The following PDZD2 variants were observed in gnomAD, a reference collection of about 807,000 sequenced individuals.
PDZD2 encodes the protein PDZ domain containing 2.
In PDZD2, 90 loss-of-function variants were observed where a neutral mutation model predicts 220.7. The observed-to-expected ratio is 0.41, with a 90% confidence interval of 0.34 to 0.49. PDZD2 has a LOEUF of 0.49. Ranked by LOEUF, PDZD2 falls within the 20% of genes least tolerant of loss-of-function variation. The pLI is 0.28. For synonymous variants in PDZD2, 1,375 were observed against 1,450.5 expected (o/e 0.95, Z 1.18); for missense variants, 3,174 against 3,608.5 (o/e 0.88, Z 3.08).
At position 32,108,189 on chromosome 5, in the gene PDZD2, G is replaced by A; in HGVS notation, c.*54G>A. On this transcript the variant is annotated 3_prime_UTR_variant, in exon 25 of 25. Coordinates refer to ENST00000438447, the MANE Select transcript of PDZD2 (RefSeq NM_178140.4). Reference sequence around the variant, plus strand: ...TCTTCTTTCTTTAGCAAATCAGAGTGACTTCTTTAAACCACAGGTTGTTGA... The same window carrying A: ...TCTTCTTTCTTTAGCAAATCAGAGTAACTTCTTTAAACCACAGGTTGTTGA... 7.6e-7 allele frequency: 1 copy of A among 1,308,710 alleles called. No individual in the cohort carries two copies. Among genetic ancestry groups the A allele is most frequent in the African/African-American group, 1.5e-5 (1 of 67,958 alleles). The allele number at this position is 1,308,710 out of a possible 1,614,324, so 81.1% of individuals were successfully genotyped here.
intron 2 of PDZD2, among the ~76,000 whole-genome samples, chr5:31,805,240 C>G (rs17507318): frequency 0.072 from 10,922 of 152,236 alleles, 476 homozygotes; most frequent in Non-Finnish European, 0.11. Context: ...AATATAGACT[C>G]CTTTTGGCAA....
chr5:31,873,534 TTTA>T (rs1739020948), intron 2 of PDZD2, among the ~76,000 whole-genome samples: 3 of 57,352 alleles, frequency 5.2e-5, no homozygotes, highest in African/African-American at 2.3e-4. Flanking sequence ...GAAAATTCTT[TTTA>T]TTTATTTATT....
chr5:31,690,611 C>T (rs550210670), intron 1 of PDZD2, among the ~76,000 whole-genome samples: 1 of 152,278 alleles, frequency 6.6e-6, no homozygotes, highest in South Asian at 2.1e-4. Flanking sequence ...TAGTGTCTGC[C>T]TCTGCGGCCA....
At chr5:31,643,494 C>G (rs1448853174) in intron 1 of PDZD2, among the ~76,000 whole-genome samples, 2 of 152,192 alleles carry the variant, frequency 1.3e-5, no homozygotes, top group African/African-American at 4.8e-5. Flanking sequence ...TGCACTCACA[C>G]TCGGTAACAC....
At position 32,074,161 on chromosome 5, in the gene PDZD2, G is replaced by A. The variant is rs894887013; in HGVS notation, c.3055G>A (p.Glu1019Lys). 1 of 1,614,156 alleles carries A rather than the reference G, an allele frequency of 6.2e-7. No homozygotes were observed. Among genetic ancestry groups the A allele is most frequent in the Admixed American group, 1.7e-5 (1 of 60,012 alleles). The change falls in exon 18 of 25, where the codon GAA (glutamate) becomes AAA (lysine). Residue 1019 changes from glutamate (E) to lysine (K), a missense_variant. Physicochemically the swap from Glu to Lys is moderately conservative, Grantham distance 56. Transcript: ENST00000438447. Reference sequence around the variant, plus strand: ...GGGCATGGACGTCCACAACCAAGAGGAACGACCCCGGAAAACACTGGTGAG... The same window carrying A: ...GGGCATGGACGTCCACAACCAAGAGAAACGACCCCGGAAAACACTGGTGAG... The part of the protein sequence containing the change: ...SKGMDVHNQE[E>K]RPRKTLVSKA...
Position 31,955,683 on chromosome 5 carries a change from CTTTTTT to C in PDZD2, c.477-27458_477-27453del, listed in dbSNP as rs34964306. The stretch of plus-strand genomic sequence containing the variant: ...CCTTCTGCTAACTTTGGGCTCTGTT[CTTTTTT>C]TTTTTTTTTTTTTCTTCTCTAGTTC... On this transcript the variant is annotated intron_variant, in intron 2 of 24. Transcript: ENST00000438447. Among the ~76,000 whole-genome samples the C allele has an allele frequency of 3.4e-5, 4 of 116,882 alleles. No individual in the cohort carries two copies. The Admixed American group carries it at 3.6e-4, about 10-fold the overall frequency. 76.7% of individuals were successfully genotyped at this position (116,882 alleles called of 152,430 possible). A position where few individuals can be genotyped will look rare whatever the true frequency, so the allele number is the denominator to read the frequency against.
intron 1 of PDZD2, among the ~76,000 whole-genome samples, chr5:31,789,572 C>G (rs7707966): frequency 6.6e-6 from 1 of 152,098 alleles, no homozygotes; most frequent in African/African-American, 2.4e-5. Context: ...AGATAGGGCT[C>G]CTTGTGAGCA....
chr5:31,689,143 G>T (rs895372406), intron 1 of PDZD2, among the ~76,000 whole-genome samples: 2 of 151,142 alleles, frequency 1.3e-5, no homozygotes, highest in Non-Finnish European at 2.9e-5. Context: ...ATCTTGACTC[G>T]CTACAACCTC....
chr5:32,069,943 A>T (rs368133801), intron 15 of PDZD2, among the ~76,000 whole-genome samples: 1 of 152,238 alleles, frequency 6.6e-6, no homozygotes, highest in East Asian at 1.9e-4. Context: ...CAAAATGCTA[A>T]AGATGAAAGG....
intron 6 of PDZD2, among the ~76,000 whole-genome samples, chr5:32,012,013 T>C (rs1046365476): frequency 6.6e-6 from 1 of 152,196 alleles, no homozygotes; most frequent in African/African-American, 2.4e-5. Context: ...TTTCCATGGT[T>C]ACAAGAAGGG....
In PDZD2 at chr5:32,090,266, A is replaced by G. The variant is rs1248897310; in HGVS notation, c.6818A>G (p.Asn2273Ser). 11 of 1,614,052 alleles carry G rather than the reference A, an allele frequency of 6.8e-6. No individual in the cohort carries two copies. Among genetic ancestry groups the G allele is most frequent in the Non-Finnish European group, 9.3e-6 (11 of 1,180,020 alleles). ...AGAGGTGGTCTTCCCAGCCTGGCTAATGGACAGGGCATATATAGTGTAAAG... is the reference window on the plus strand; with the variant it reads ...AGAGGTGGTCTTCCCAGCCTGGCTAGTGGACAGGGCATATATAGTGTAAAG... ...ASRGGLPSLANGQGIYSVKPL... is the reference protein window; with the variant it reads ...ASRGGLPSLASGQGIYSVKPL... The change falls in exon 20 of 25, where the codon AAT becomes AGT. Residue 2273 changes from asparagine to serine, a missense_variant. Transcript: ENST00000438447. This position sits in a 1 kb window ranked among gnomAD's most constrained non-coding sequence, Gnocchi z 4.3.
At chr5:31,658,342 G>T (rs1745630312) in intron 1 of PDZD2, among the ~76,000 whole-genome samples, 1 of 152,058 alleles carries the variant, frequency 6.6e-6, no homozygotes, top group Non-Finnish European at 1.5e-5. Context: ...ACTTACAAAG[G>T]ATCTATTTCC....
At chr5:31,923,872 A>G (rs1271731921) in intron 2 of PDZD2, among the ~76,000 whole-genome samples, 2 of 152,174 alleles carry the variant, frequency 1.3e-5, no homozygotes, top group African/African-American at 4.8e-5. Context: ...GTGAGAGTCA[A>G]GCTTCAAGCT....
intron 2 of PDZD2, among the ~76,000 whole-genome samples, chr5:31,953,004 G>T (rs1747315067): frequency 6.8e-6 from 1 of 147,942 alleles, no homozygotes; most frequent in African/African-American, 2.5e-5. Flanking sequence ...GCTGCAGTGA[G>T]TCATGATCGT....
chr5:32,066,186 T>C (rs914951792), intron 14 of PDZD2, among the ~76,000 whole-genome samples: 1 of 147,504 alleles, frequency 6.8e-6, no homozygotes, highest in Non-Finnish European at 1.5e-5. Flanking sequence ...CTACTAAAAA[T>C]ACAAAAAAAA....
At chr5:31,731,631 C>T (rs775368721) in intron 1 of PDZD2, among the ~76,000 whole-genome samples, 7 of 152,158 alleles carry the variant, frequency 4.6e-5, no homozygotes, top group African/African-American at 7.2e-5. Flanking sequence ...TGGCTTCTTA[C>T]GCTTAGCATA....
intron 1 of PDZD2, among the ~76,000 whole-genome samples, chr5:31,706,638 G>A (rs1456627151): frequency 6.6e-6 from 1 of 152,120 alleles, no homozygotes; most frequent in Non-Finnish European, 1.5e-5. Context: ...GAGGTCAGGA[G>A]ATCGAGACCA....
At chr5:32,015,006 A>G (rs1163220977) in intron 6 of PDZD2, among the ~76,000 whole-genome samples, 3 of 144,412 alleles carry the variant, frequency 2.1e-5, no homozygotes, top group Non-Finnish European at 4.5e-5. Context: ...TAGTGGCGCA[A>G]TCTCGGTTCA....
At chr5:31,756,566 C>T (rs531549757) in intron 1 of PDZD2, among the ~76,000 whole-genome samples, 2 of 152,170 alleles carry the variant, frequency 1.3e-5, no homozygotes, top group Non-Finnish European at 2.9e-5. Context: ...TGGTGGATAC[C>T]AGACCTCCTC....
Sources: gnomAD v4.1 joint callset for allele counts (sites outside exome capture counted in the v4.1 genomes callset) on GRCh38, gnomAD v4.1.1 for gene constraint, Gnocchi (gnomAD v3.1) non-coding constraint, MANE v1.5 for transcripts, NCBI Gene and HGNC (gene_info 2026-07-23, HGNC 2026-07-21) for gene names.